Variants in RYR3 observed in about 807,000 individuals in gnomAD.
The protein encoded by RYR3 is ryanodine receptor 3.
Under a neutral mutation model 584.3 loss-of-function variants are expected in RYR3, and 207 were observed. That is an observed-to-expected ratio of 0.35 (90% CI 0.32 to 0.40). The LOEUF (loss-of-function observed/expected upper bound fraction) is 0.40, where lower values mean the gene tolerates loss of function less well. Ranked by LOEUF, RYR3 falls within the 10% of genes least tolerant of loss-of-function variation. RYR3 has a pLI of 1.00. For missense variants in RYR3, 5,616 were observed against 6,089.2 expected (o/e 0.92, Z 2.59); for synonymous variants, 2,416 against 2,248.5 (o/e 1.07, Z -2.11).
chr15:33,380,028 T>C (rs2041068785), intron 1 of RYR3, among the ~76,000 whole-genome samples: 1 of 152,154 alleles, frequency 6.6e-6, no homozygotes, highest in African/African-American at 2.4e-5. Flanking sequence ...TCCTACCTGC[T>C]TTGTTCTAGC....
At chr15:33,322,976 C>T (rs892515027) in intron 1 of RYR3, among the ~76,000 whole-genome samples, 1 of 150,758 alleles carries the variant, frequency 6.6e-6, no homozygotes, top group East Asian at 2.0e-4. Flanking sequence ...TGGTTAAGAG[C>T]TTACAGTAAG....
chr15:33,589,307 T>C lies in RYR3; in HGVS notation c.1788+3191T>C, dbSNP rs1418535382. The stretch of plus-strand genomic sequence containing the variant: ...TTGCTCACTTTTTAATGGGATTATT[T>C]GTTTTGTGTTGTTGTTGAGTTGTTT... On this transcript the variant is annotated intron_variant, in intron 16 of 103. Coordinates refer to ENST00000634891, the MANE Select transcript of RYR3 (RefSeq NM_001036.6). Among the ~76,000 whole-genome samples, 9 of 152,220 alleles carry C rather than the reference T, an allele frequency of 5.9e-5. No individual in the cohort carries two copies. The East Asian group carries it at 1.5e-3, about 26-fold the overall frequency.
intron 60 of RYR3, among the ~76,000 whole-genome samples, chr15:33,765,945 T>G (rs2073021819): frequency 6.6e-6 from 1 of 152,156 alleles, no homozygotes; most frequent in African/African-American, 2.4e-5. Context: ...TTGGGTTAAC[T>G]CTACTACCCA....
intron 27 of RYR3, 30 bp downstream of exon 27, chr15:33,636,580 C>T: frequency 6.5e-7 from 1 of 1,540,884 alleles, no homozygotes; most frequent in Non-Finnish European, 8.7e-7. Flanking sequence ...CCAACCCCAG[C>T]TCCATGAGGC....
intron 52 of RYR3, 81 bp downstream of exon 52, chr15:33,742,525 G>C: frequency 1.1e-6 from 1 of 910,472 alleles, no homozygotes; most frequent in Non-Finnish European, 1.8e-6. Context: ...CTGGAAATCT[G>C]CCTGATTTGT....
At chr15:33,686,410 G>C (rs1264700279) in intron 38 of RYR3, among the ~76,000 whole-genome samples, 1 of 152,118 alleles carries the variant, frequency 6.6e-6, no homozygotes, top group African/African-American at 2.4e-5. Context: ...CCAATAACAG[G>C]CTCTGAAATT....
Position 33,381,717 on chromosome 15 carries a change from A to G in RYR3, c.51+70621A>G, listed in dbSNP as rs190534871. On this transcript the variant is annotated intron_variant, in intron 1 of 103. Coordinates refer to ENST00000634891, the MANE Select transcript of RYR3 (RefSeq NM_001036.6). ...GCAAGACGCATGGCTGACTTGCCCT[A>G]TGCTGCCTTGTATTTATGTTTTACT... Among the ~76,000 whole-genome samples the G allele has an allele frequency of 4.6e-5, 7 of 152,160 alleles. No individual in the cohort carries two copies. In the East Asian group the frequency reaches 1.2e-3, roughly 25 times the overall value.
At chr15:33,517,461 A>G (rs566130348) in intron 3 of RYR3, among the ~76,000 whole-genome samples, 1 of 152,350 alleles carries the variant, frequency 6.6e-6, no homozygotes, top group South Asian at 2.1e-4. Flanking sequence ...ACCATTTCAC[A>G]CAACATGTCA....
intron 32 of RYR3, among the ~76,000 whole-genome samples, chr15:33,656,428 T>G (rs80200279): frequency 0.04 from 6,095 of 152,266 alleles, 382 homozygotes; most frequent in African/African-American, 0.14. Flanking sequence ...ATCTAGTGAA[T>G]GCTCACCGAG....
At chr15:33,608,199 C>T (rs536055752) in intron 18 of RYR3, among the ~76,000 whole-genome samples, 1 of 152,286 alleles carries the variant, frequency 6.6e-6, no homozygotes, top group Admixed American at 6.5e-5. Flanking sequence ...GGAAGTTGAG[C>T]CTCTAGTAAA....
At chr15:33,483,239 A>C (rs1337775072) in intron 2 of RYR3, among the ~76,000 whole-genome samples, 1 of 152,042 alleles carries the variant, frequency 6.6e-6, no homozygotes, top group Non-Finnish European at 1.5e-5. Context: ...TTCATTAATA[A>C]ATTTATAATC....
At chr15:33,775,775 C>G (rs921314311) in intron 64 of RYR3, among the ~76,000 whole-genome samples, 1 of 152,190 alleles carries the variant, frequency 6.6e-6, no homozygotes, top group Non-Finnish European at 1.5e-5. Context: ...TGGCCCCACA[C>G]GCATGCTGCC....
intron 1 of RYR3, among the ~76,000 whole-genome samples, chr15:33,439,789 T>C (rs1343166532): frequency 6.6e-6 from 1 of 152,206 alleles, no homozygotes; most frequent in Non-Finnish European, 1.5e-5. Context: ...CTTAGCTCAT[T>C]GACTAACATA....
At chr15:33,628,762 G>A (rs1419385466) in intron 21 of RYR3, among the ~76,000 whole-genome samples, 187 bp downstream of exon 21, 5 of 152,088 alleles carry the variant, frequency 3.3e-5, no homozygotes, top group Admixed American at 6.5e-5. Context: ...TATTTTATTC[G>A]GGATATAGCA....
chr15:33,593,952 T>A (rs1567618584), intron 16 of RYR3, among the ~76,000 whole-genome samples: 1 of 152,204 alleles, frequency 6.6e-6, no homozygotes. Context: ...TGGGCTTTGA[T>A]GGAACTTTGT....
intron 36 of RYR3, among the ~76,000 whole-genome samples, chr15:33,664,862 T>G (rs1473494135): frequency 1.3e-5 from 2 of 152,074 alleles, no homozygotes; most frequent in African/African-American, 4.8e-5. Context: ...CTAACCTATT[T>G]TAAAACGTAG....
At chr15:33,490,421 C>G (rs2050866585) in intron 2 of RYR3, among the ~76,000 whole-genome samples, 1 of 152,074 alleles carries the variant, frequency 6.6e-6, no homozygotes, top group Non-Finnish European at 1.5e-5. Flanking sequence ...CTGTACATCC[C>G]AAGATATTTC....
Position 33,646,417 on chromosome 15 carries a change from A to C in RYR3, c.3832A>C (p.Thr1278Pro). 6.2e-7 allele frequency: 1 copy of C among 1,613,938 alleles called. No homozygotes were observed. The highest frequency in any genetic ancestry group is 1.7e-5 in the Admixed American group (1 of 60,012). The change falls in exon 29 of 104, where the codon ACA becomes CCA. Residue 1278 changes from threonine to proline, a missense_variant. Physicochemically the swap from Thr to Pro is conservative, Grantham distance 38. Around this residue, in one of 9 missense-constraint regions of RYR3, gnomAD observed 753 missense variants for 741.0 expected, o/e 1.02. Transcript: ENST00000634891. ...CLKVTHKTFG[T>P]QNSNADMIYC... ...CAAGGTGACGCATAAGACATTTGGC[A>C]CACAGAATAGCAATGCCGACATGAT... is the stretch of plus-strand genomic sequence containing the variant.
At chr15:33,604,210 A>G (rs2059804320) in intron 18 of RYR3, among the ~76,000 whole-genome samples, 2 of 152,232 alleles carry the variant, frequency 1.3e-5, no homozygotes, top group South Asian at 4.1e-4. Flanking sequence ...TAACCATGAC[A>G]CACATTCTTC....
Sources: allele counts gnomAD v4.1 joint callset (sites outside exome capture counted in the v4.1 genomes callset), GRCh38; gene constraint gnomAD v4.1.1; regional missense constraint gnomAD v4.1.1; transcripts MANE v1.5; gene names NCBI Gene and HGNC (gene_info 2026-07-23, HGNC 2026-07-21).